ARAP2: variants seen among roughly 807,000 people sequenced by gnomAD.
The protein encoded by ARAP2 is arf-GAP with Rho-GAP domain, ANK repeat and PH domain-containing protein 2.
Under a neutral mutation model 194.5 loss-of-function variants are expected in ARAP2, and 148 were observed. The observed-to-expected ratio is 0.76, with a 90% CI of 0.67 to 0.87. The LOEUF (loss-of-function observed/expected upper bound fraction) is 0.87, where lower values mean the gene tolerates loss of function less well. Ranked by LOEUF, ARAP2 falls within the 40% of genes least tolerant of loss-of-function variation. The pLI is 0.00. For missense variants in ARAP2, 2,128 were observed against 1,989.7 expected, an observed-to-expected ratio of 1.07 and a Z score of -1.32; for synonymous variants, 695 against 683.5, an observed-to-expected ratio of 1.02 and a Z score of -0.26.
At chr4:36,215,297 G>A (rs535214793) in intron 2 of ARAP2, among the ~76,000 whole-genome samples, 1 of 152,152 alleles carries the variant, frequency 6.6e-6, no homozygotes, top group Admixed American at 6.5e-5. Context: ...CACATCTTTG[G>A]TCCATCGATT....
rs190917914 is a variant in ARAP2, at chr4:36,149,057, T to A, written c.2898-550A>T. Among the ~76,000 whole-genome samples, 7 of 152,302 alleles carry A rather than the reference T, an allele frequency of 4.6e-5. No homozygotes were observed. In the East Asian group the frequency reaches 1.2e-3, roughly 25 times the overall value. On this transcript the variant is annotated intron_variant, in intron 16 of 32. Coordinates refer to ENST00000303965, the MANE Select transcript of ARAP2 (RefSeq NM_015230.4). ...TAGATCAAATTAAAGCGACATTCCA[T>A]GCTCTGAATTCTTTCCTGAGTTCCT...
chr4:36,134,760 A>ACACACACC (rs1553915268), intron 19 of ARAP2, among the ~76,000 whole-genome samples: 34 of 149,800 alleles, frequency 2.3e-4, no homozygotes, highest in Admixed American at 3.3e-4. Context: ...ACACACACAC[A>ACACACACC]CCCTCCTGGA....
chr4:36,144,199 C>G (rs1158245615), intron 19 of ARAP2, among the ~76,000 whole-genome samples: 1 of 150,476 alleles, frequency 6.6e-6, no homozygotes, highest in East Asian at 2.0e-4. Flanking sequence ...TTATAATAAC[C>G]TGAAAAAATG....
At chr4:36,159,090 T>C (rs16988264) in intron 14 of ARAP2, among the ~76,000 whole-genome samples, 1,832 of 152,308 alleles carry the variant, frequency 0.012, 29 homozygotes, top group East Asian at 0.09. Context: ...GTGGAAATGA[T>C]TATGTGGGAT....
chr4:36,160,103 T>C, intron 13 of ARAP2: 12 of 994,324 alleles, frequency 1.2e-5, no homozygotes, highest in Non-Finnish European at 1.4e-5. Flanking sequence ...AATCCTTTTT[T>C]TTTCTTTTGC....
chr4:36,180,316 T>A (rs1738944209), intron 8 of ARAP2, among the ~76,000 whole-genome samples: 1 of 152,108 alleles, frequency 6.6e-6, no homozygotes, highest in Non-Finnish European at 1.5e-5. Flanking sequence ...CTTGTTGCAA[T>A]ATATCAGGAT....
At chr4:36,011,549 C>T (rs1714561758) in intron 9 of ARAP2, among the ~76,000 whole-genome samples, 1 of 152,112 alleles carries the variant, frequency 6.6e-6, no homozygotes, top group Admixed American at 6.6e-5. Flanking sequence ...ATCTTAGAAA[C>T]ACCCACAGAG....
chr4:36,057,102 T>C (rs569035427), intron 2 of ARAP2, among the ~76,000 whole-genome samples: 1 of 152,066 alleles, frequency 6.6e-6, no homozygotes, highest in East Asian at 1.9e-4. Context: ...TTTTCCAAAG[T>C]AGCCTTTATT....
downstream of ARAP2, chr4:36,065,965 C>T (rs994353689): frequency 2.6e-5 from 4 of 152,150 alleles, no homozygotes; most frequent in African/African-American, 9.7e-5. Context: ...TTCACAATAA[C>T]AACCTTCAAC....
chr4:36,107,854 T>C (rs113681101), intron 26 of ARAP2, among the ~76,000 whole-genome samples, 161 bp from the exon 27 acceptor site: 3,505 of 152,034 alleles, frequency 0.023, 60 homozygotes, highest in African/African-American at 0.054. Context: ...ACTATGACTA[T>C]GTAAAAGATA....
At chr4:36,037,194 T>C (rs1720068194) in intron 5 of ARAP2, among the ~76,000 whole-genome samples, 2 of 152,200 alleles carry the variant, frequency 1.3e-5, no homozygotes, top group East Asian at 1.9e-4. Flanking sequence ...ATCTCCTCAC[T>C]TTGAACTAGG....
At chr4:36,140,681 T>C (rs28440981) in intron 19 of ARAP2, among the ~76,000 whole-genome samples, 56,490 of 151,506 alleles carry the variant, frequency 0.37, 10,694 homozygotes, top group East Asian at 0.56. Flanking sequence ...AATAAGGTGA[T>C]AGGAAATAAG....
At chr4:36,206,124 C>G (rs79948911) in intron 6 of ARAP2, among the ~76,000 whole-genome samples, 3 of 152,280 alleles carry the variant, frequency 2.0e-5, no homozygotes, top group East Asian at 3.9e-4. Context: ...CAAACACTTG[C>G]GTAGCCAGGT....
chr4:36,106,666 T>C (rs1471831222), intron 27 of ARAP2, among the ~76,000 whole-genome samples: 5 of 151,932 alleles, frequency 3.3e-5, no homozygotes, highest in Admixed American at 1.3e-4. Context: ...AGTTCTTCAA[T>C]TCAATACTTA....
rs763486964 is a variant in ARAP2 at position 36,128,732 on chromosome 4, T to G, written c.3441A>C (p.Lys1147Asn). The change falls in exon 21 of 33, where the codon AAA becomes AAC. Residue 1147 changes from lysine (K) to asparagine (N), a missense_variant. By Grantham distance (94) the Lys-to-Asn change is moderately conservative. Coordinates refer to ENST00000303965, the MANE Select transcript of ARAP2 (RefSeq NM_015230.4). ...GATCACCATTCTTTTGATAGATATA[T>G]TTGCATCCTAAACCTTTGTTTAAAA... is the stretch of plus-strand genomic sequence containing the variant. ...AFVTQYGLGC[K>N]YIYQKNGDPL... is the part of the protein sequence containing the mutation. 1 of 1,587,764 alleles carries G rather than the reference T, an allele frequency of 6.3e-7. No individual in the cohort carries two copies. The highest frequency in any genetic ancestry group is 2.3e-5 in the East Asian group (1 of 43,978).
At chr4:36,234,411 C>G (rs2109357014) in intron 1 of ARAP2, among the ~76,000 whole-genome samples, 1 of 152,318 alleles carries the variant, frequency 6.6e-6, no homozygotes, top group Non-Finnish European at 1.5e-5. Context: ...TAACCTCCCC[C>G]AAACCCCACC....
At chr4:36,215,229 G>A (rs916485319) in intron 2 of ARAP2, among the ~76,000 whole-genome samples, 2 of 152,154 alleles carry the variant, frequency 1.3e-5, no homozygotes, top group African/African-American at 2.4e-5. Context: ...TGCCATTGCT[G>A]AAAGTATAGA....
chr4:36,104,873 T>C (rs763387538), intron 27 of ARAP2, among the ~76,000 whole-genome samples: 2 of 152,016 alleles, frequency 1.3e-5, no homozygotes, highest in Non-Finnish European at 2.9e-5. Flanking sequence ...TATTTGCTGA[T>C]GGTTTTCCTT....
At chr4:36,100,999 T>C (rs773041657) in intron 27 of ARAP2, among the ~76,000 whole-genome samples, 3 of 151,978 alleles carry the variant, frequency 2.0e-5, no homozygotes, top group Non-Finnish European at 2.9e-5. Flanking sequence ...CAAAAAATGT[T>C]TGAAAAACCA....
Sources: allele counts gnomAD v4.1 joint callset (sites outside exome capture counted in the v4.1 genomes callset), GRCh38; gene constraint gnomAD v4.1.1; transcripts MANE v1.5; gene names NCBI Gene and HGNC (gene_info 2026-07-23, HGNC 2026-07-21).